Variants in SMCO4 observed in about 807,000 individuals in gnomAD.
SMCO4 encodes single-pass membrane protein with coiled-coil domains 4, also known as single-pass membrane and coiled-coil domain-containing protein 4.
Under a neutral mutation model 3.6 loss-of-function variants are expected in SMCO4, and 4 were observed. The observed-to-expected ratio is 1.11, with a 90% CI of 0.54 to 2.53. The LOEUF is 2.53. Ranked by LOEUF, SMCO4 falls within the 30% of genes most tolerant of loss-of-function variation. The probability of loss-of-function intolerance (pLI) is 0.02; values close to 1 mark genes in which losing one functional copy is unlikely to be tolerated. For missense variants in SMCO4, 70 were observed against 80.8 expected (o/e 0.87, Z 0.51); for synonymous variants, 36 against 35.3 (o/e 1.02, Z -0.07).
chr11:93,532,180 T>C lies in SMCO4; in HGVS notation c.-154+11096A>G, dbSNP rs571589840. On this transcript the variant is annotated intron_variant, in intron 1 of 2. Transcript: ENST00000298966. ...CAGATATTCAGAGTTCACACAGTCA[T>C]ACTAGAATAGGGTGGGCCCTAATCC... 1.4e-4 allele frequency among the ~76,000 whole-genome samples: 21 copies of C among 152,242 alleles called. No homozygotes were observed. In the South Asian group the frequency reaches 4.2e-3, roughly 30 times the overall value.
rs148462986 is a variant in SMCO4, at chr11:93,514,374, CTATATATATATATATATATATATATA to C, written c.-153-15052_-153-15027del. Among the ~76,000 whole-genome samples, 87 of 39,096 alleles carry C rather than the reference CTATATATATATATATATATATATATA, an allele frequency of 2.2e-3. 1 individual carries two copies. The highest frequency in any genetic ancestry group is 6.2e-3 in the African/African-American group (78 of 12,584). 25.6% of individuals were successfully genotyped at this position (39,096 alleles called of 152,430 possible). ...AAAGGAAAAATAAAACAGGATGAGG[CTATATATATATATATATATATATATA>C]TATATATATATATATATATATAAAA... On this transcript the variant is annotated intron_variant, in intron 1 of 2. Transcript: ENST00000298966.
intron 2 of SMCO4, among the ~76,000 whole-genome samples, chr11:93,488,001 A>C (rs1358439025): frequency 1.3e-5 from 2 of 152,276 alleles, no homozygotes; most frequent in African/African-American, 2.4e-5. Context: ...TCAGGTAATG[A>C]AGCTGTCTTC....
At chr11:93,543,760 C>T (rs1175557373), upstream of SMCO4, among the ~76,000 whole-genome samples, 1 of 152,240 alleles carries the variant, frequency 6.6e-6, no homozygotes, top group South Asian at 2.1e-4. Context: ...GTTCACCATT[C>T]TCTCCTCCAG....
intron 2 of SMCO4, among the ~76,000 whole-genome samples, chr11:93,480,522 C>T (rs1003659836): frequency 2.0e-5 from 3 of 152,212 alleles, no homozygotes; most frequent in African/African-American, 7.2e-5. Flanking sequence ...ACTTTTCAAA[C>T]ACAGTGACGG....
intron 2 of SMCO4, among the ~76,000 whole-genome samples, chr11:93,485,104 C>T (rs904899519): frequency 7.9e-5 from 12 of 152,154 alleles, no homozygotes; most frequent in Non-Finnish European, 1.5e-4. Flanking sequence ...TTATTAAAAT[C>T]GATTTCACCT....
chr11:93,524,010 G>C (rs1474700562), intron 1 of SMCO4, among the ~76,000 whole-genome samples: 1 of 152,160 alleles, frequency 6.6e-6, no homozygotes, highest in Admixed American at 6.5e-5. Context: ...AGTGTGCAGG[G>C]AAGATCAGTT....
chr11:93,504,690 G>C (rs1019363419), intron 1 of SMCO4, among the ~76,000 whole-genome samples: 2 of 152,188 alleles, frequency 1.3e-5, no homozygotes, highest in Non-Finnish European at 2.9e-5. Flanking sequence ...CAATTTTACT[G>C]TATCAACATC....
chr11:93,547,339 G>T (rs1949322133), upstream of SMCO4, among the ~76,000 whole-genome samples: 1 of 152,116 alleles, frequency 6.6e-6, no homozygotes, highest in Non-Finnish European at 1.5e-5. Context: ...TAATCATCAG[G>T]GCATTGTTAC....
At chr11:93,553,406 C>G in the SMCO4 span, among the ~76,000 whole-genome samples, 2 of 152,150 alleles carry the variant, frequency 1.3e-5, no homozygotes, top group African/African-American at 4.8e-5. Context: ...TGTGTATAAA[C>G]TCAGATGGGC....
intron 1 of SMCO4, among the ~76,000 whole-genome samples, chr11:93,540,987 A>G (rs992405749): frequency 6.6e-6 from 1 of 152,232 alleles, no homozygotes; most frequent in African/African-American, 2.4e-5. Context: ...AGCTTCCAAA[A>G]AGCTGACAAA....
chr11:93,545,629 AAAAG>A (rs534043748), upstream of SMCO4, among the ~76,000 whole-genome samples: 152 of 151,842 alleles, frequency 1.0e-3, no homozygotes, highest in Non-Finnish European at 1.7e-3. Flanking sequence ...AGAGAAAAGA[AAAAG>A]AAAGTGTCAT....
the SMCO4 span, among the ~76,000 whole-genome samples, chr11:93,549,868 A>G: frequency 2.6e-5 from 4 of 152,228 alleles, no homozygotes; most frequent in African/African-American, 7.2e-5. Flanking sequence ...ATCAAGTGTT[A>G]TAATAAAAAT....
chr11:93,529,454 A>C (rs1318505142), intron 1 of SMCO4, among the ~76,000 whole-genome samples: 6 of 152,080 alleles, frequency 3.9e-5, no homozygotes, highest in Admixed American at 3.9e-4. Flanking sequence ...TGCTCCCCAG[A>C]GGGGTCACAA....
At chr11:93,481,414 C>G in intron 2 of SMCO4, 2 of 985,272 alleles carry the variant, frequency 2.0e-6, no homozygotes, top group South Asian at 9.4e-5. Flanking sequence ...CTGACTGCAG[C>G]CTTGAGTGAT....
intron 2 of SMCO4, chr11:93,481,380 C>A (rs1049146057): frequency 1.0e-6 from 1 of 969,118 alleles, no homozygotes; most frequent in Non-Finnish European, 1.2e-6. Context: ...GGCCCAGGGA[C>A]GGGTGCACTG....
intron 1 of SMCO4, among the ~76,000 whole-genome samples, chr11:93,500,836 T>C (rs1948829550): frequency 6.6e-6 from 1 of 152,218 alleles, no homozygotes; most frequent in African/African-American, 2.4e-5. Flanking sequence ...GACAGGGTTC[T>C]TTGCCTGCTG....
Position 93,479,007 on chromosome 11 carries a change from G to A in SMCO4, c.*3C>T. 6.2e-7 allele frequency: 1 copy of A among 1,601,288 alleles called. No individual in the cohort carries two copies. The highest frequency in any genetic ancestry group is 8.5e-7 in the Non-Finnish European group (1 of 1,172,944). On this transcript the variant is annotated 3_prime_UTR_variant, in exon 3 of 3. Transcript: ENST00000298966. ...CGATGGGGTCCGCAGCCGGCTGCGG[G>A]GCTCACTCGGTGATGGTGGGGCGCG...
chr11:93,539,737 TCA>T (rs1189479318), intron 1 of SMCO4, among the ~76,000 whole-genome samples: 4 of 152,054 alleles, frequency 2.6e-5, no homozygotes, highest in Non-Finnish European at 5.9e-5. Context: ...CACAAAAACT[TCA>T]GAGTCCCAAA....
chr11:93,549,986 A>G, the SMCO4 span, among the ~76,000 whole-genome samples: 3 of 152,192 alleles, frequency 2.0e-5, no homozygotes, highest in East Asian at 5.8e-4. Context: ...GAAATCCCAT[A>G]TAAGGAAAAG....
Sources: gnomAD v4.1 joint callset for allele counts (sites outside exome capture counted in the v4.1 genomes callset) on GRCh38, gnomAD v4.1.1 for gene constraint, MANE v1.5 for transcripts, NCBI Gene and HGNC (gene_info 2026-07-23, HGNC 2026-07-21) for gene names.